The following PDGFA variants were observed in gnomAD, a reference collection of about 807,000 sequenced individuals.
PDGFA encodes the protein platelet derived growth factor subunit A.
PDGFA carries 9 observed loss-of-function variants against 25.6 expected under a neutral mutation model. The observed-to-expected ratio is 0.35, with a 90% CI of 0.21 to 0.61. PDGFA has a LOEUF of 0.61. PDGFA is among the 20% of genes least tolerant of loss of function. The pLI is 0.75. For synonymous variants in PDGFA, 133 were observed against 111.8 expected, an observed-to-expected ratio of 1.19 and a Z score of -1.20; for missense variants, 242 against 272.8, an observed-to-expected ratio of 0.89 and a Z score of 0.79.
At chr7:502,620 G>C (rs1389056575) in intron 4 of PDGFA, among the ~76,000 whole-genome samples, 1 of 152,196 alleles carries the variant, frequency 6.6e-6, no homozygotes, top group African/African-American at 2.4e-5. Context: ...CTGTCTGCGA[G>C]CCACGCCTGC....
intron 2 of PDGFA, among the ~76,000 whole-genome samples, chr7:515,188 T>A (rs1291443583): frequency 6.6e-6 from 1 of 152,168 alleles, no homozygotes; most frequent in African/African-American, 2.4e-5. Flanking sequence ...GGAAGGGTTA[T>A]AAAGGGACTC....
intron 2 of PDGFA, among the ~76,000 whole-genome samples, chr7:514,967 AAGACCCC>A (rs113408277): frequency 0.11 from 16,210 of 152,202 alleles, 881 homozygotes; most frequent in Non-Finnish European, 0.13. Context: ...AGGAGCGGCC[AAGACCCC>A]AGACGGTGCC....
chr7:500,818 C>T lies in PDGFA; in HGVS notation c.580+298G>A. 1 of 1,477,386 alleles carries T rather than the reference C, an allele frequency of 6.8e-7. No individual in the cohort carries two copies. 91.5% of individuals were successfully genotyped at this position (1,477,386 alleles called of 1,614,324 possible). On this transcript the variant is annotated intron_variant, in intron 5 of 5. Coordinates refer to ENST00000402802, the Ensembl canonical transcript of PDGFA. The surrounding 1 kb of genome is among the most constrained non-coding windows in gnomAD (Gnocchi z 5.0). ...TTCTGCAGATTCTTCTCAGCTCAGCCCCGCAGCCCACTAATGAATTGGGTG... is the reference window on the plus strand; with the variant it reads ...TTCTGCAGATTCTTCTCAGCTCAGCTCCGCAGCCCACTAATGAATTGGGTG...
chr7:501,641 T>A lies in PDGFA; in HGVS notation c.454-399A>T, dbSNP rs575056516. ...TCTCGCTATGTTGCCGAGGTTGATGTTGAACTCCTGGACTCAAGTGATCCT... is the reference window on the plus strand; with the variant it reads ...TCTCGCTATGTTGCCGAGGTTGATGATGAACTCCTGGACTCAAGTGATCCT... On this transcript the variant is annotated intron_variant, in intron 4 of 5. Coordinates refer to ENST00000402802, the Ensembl canonical transcript of PDGFA. Among the ~76,000 whole-genome samples the A allele has an allele frequency of 7.9e-4, 121 of 152,282 alleles. 2 individuals carry two copies. In the Middle Eastern group the frequency reaches 0.01, roughly 13 times the overall value.
intron 2 of PDGFA, chr7:512,727 G>T: frequency 7.8e-7 from 1 of 1,277,116 alleles, no homozygotes; most frequent in Non-Finnish European, 1.0e-6. Flanking sequence ...CCGTGACGAA[G>T]CGCAGGGCCC....
chr7:520,101 C>T (rs1036157326), upstream of PDGFA: 11 of 393,844 alleles, frequency 2.8e-5, no homozygotes, highest in Non-Finnish European at 5.0e-5. Context: ...GCGCCCCTCC[C>T]TCGAGCTTGC....
rs145187400 is a variant in PDGFA at position 513,650 on chromosome 7, C to G, written c.161-1195G>C. The stretch of plus-strand genomic sequence containing the variant: ...GGGAAGTCCCGGTCACCAATCCAGA[C>G]GGCTAATGGGCTCTGCACCTCCTGG... On this transcript the variant is annotated intron_variant, in intron 2 of 5. Coordinates refer to ENST00000402802, the Ensembl canonical transcript of PDGFA. 3.7e-3 allele frequency among the ~76,000 whole-genome samples: 564 copies of G among 152,320 alleles called. 5 individuals carry two copies. The highest frequency in any genetic ancestry group is 0.013 in the African/African-American group (549 of 41,570).
At chr7:509,750 G>A (rs889293175) in intron 4 of PDGFA, among the ~76,000 whole-genome samples, 1 of 152,116 alleles carries the variant, frequency 6.6e-6, no homozygotes, top group Non-Finnish European at 1.5e-5. Context: ...ACAGTCTGCC[G>A]GCGCCCTGAT....
chr7:506,122 G>A (rs1017825990), intron 4 of PDGFA, among the ~76,000 whole-genome samples: 6 of 149,906 alleles, frequency 4.0e-5, no homozygotes, highest in African/African-American at 1.5e-4. Flanking sequence ...GTTGCAGTGA[G>A]CTGATATCGG....
chr7:508,590 T>TAAAAC (rs1275774675), intron 4 of PDGFA, among the ~76,000 whole-genome samples: 1 of 130,898 alleles, frequency 7.6e-6, no homozygotes, highest in African/African-American at 2.9e-5. Context: ...AAAAAAAAAT[T>TAAAAC]CTCAGCTGAG....
At chr7:509,971 A>AG (rs1230981752) in intron 4 of PDGFA, among the ~76,000 whole-genome samples, 4 of 152,158 alleles carry the variant, frequency 2.6e-5, no homozygotes, top group South Asian at 4.2e-4. Context: ...GGGCTGCTTT[A>AG]GGGGGGAAGC....
At chr7:499,103 C>T (rs532552677) in intron 5 of PDGFA, among the ~76,000 whole-genome samples, 41 of 152,344 alleles carry the variant, frequency 2.7e-4, no homozygotes, top group African/African-American at 7.9e-4. Flanking sequence ...AACATGAGTA[C>T]CAGCCAGGCA....
intron 4 of PDGFA, among the ~76,000 whole-genome samples, chr7:509,607 TAG>T (rs1782710045): frequency 6.6e-6 from 1 of 152,002 alleles, no homozygotes; most frequent in South Asian, 2.1e-4. Context: ...GTTTCTAGGG[TAG>T]AGGCTTCATG....
chr7:516,624 AGCGGGCGG>A (rs1261147400), intron 2 of PDGFA, among the ~76,000 whole-genome samples: 1 of 152,188 alleles, frequency 6.6e-6, no homozygotes, highest in Non-Finnish European at 1.5e-5. Flanking sequence ...TCTAGCCCTG[AGCGGGCGG>A]GCGGCCACCC....
intron 4 of PDGFA, among the ~76,000 whole-genome samples, chr7:510,598 AGGG>A: frequency 2.7e-4 from 1 of 3,672 alleles, no homozygotes; most frequent in African/African-American, 1.1e-3. Context: ...TGGGGAGGGG[AGGG>A]GAGGGGAGGG....
intron 4 of PDGFA, among the ~76,000 whole-genome samples, chr7:507,909 C>T (rs1782630874): frequency 6.6e-6 from 1 of 152,154 alleles, no homozygotes; most frequent in Admixed American, 6.5e-5. Context: ...GGTAAATATC[C>T]TGAGGACAGA....
At chr7:506,350 T>G (rs1047834863) in intron 4 of PDGFA, among the ~76,000 whole-genome samples, 1 of 151,776 alleles carries the variant, frequency 6.6e-6, no homozygotes, top group African/African-American at 2.4e-5. Context: ...ATGGAAGCAA[T>G]GCCCAGACCT....
intron 5 of PDGFA, among the ~76,000 whole-genome samples, chr7:499,914 G>A (rs759162144): frequency 2.0e-5 from 3 of 151,990 alleles, no homozygotes; most frequent in African/African-American, 7.3e-5. Flanking sequence ...CATGAAGCTC[G>A]ATCTTATCTC....
intron 3 of PDGFA, among the ~76,000 whole-genome samples, chr7:511,370 A>T (rs13312650): frequency 0.4 from 12,073 of 30,354 alleles, 2,315 homozygotes; most frequent in Non-Finnish European, 0.51. Flanking sequence ...GTGGGGCCAG[A>T]GACTGGGGGT....
Sources: gnomAD v4.1 joint callset for allele counts (sites outside exome capture counted in the v4.1 genomes callset) on GRCh38, gnomAD v4.1.1 for gene constraint, Gnocchi (gnomAD v3.1) non-coding constraint, MANE v1.5 for transcripts, NCBI Gene and HGNC (gene_info 2026-07-23, HGNC 2026-07-21) for gene names.